Variants in FAN1 observed in about 807,000 individuals in gnomAD.
FAN1 encodes fanconi-associated nuclease 1.
A neutral mutation model predicts 104.9 loss-of-function variants in FAN1; 91 were observed. That is an observed-to-expected ratio of 0.87 (90% CI 0.73 to 1.03). The LOEUF is 1.03. FAN1 is among the 50% of genes least tolerant of loss of function. The pLI is 0.00. For missense variants in FAN1, 1,263 were observed against 1,239.9 expected (o/e 1.02, Z -0.28); for synonymous variants, 478 against 457.6 (o/e 1.04, Z -0.57).
At chr15:30,918,668 A>T (rs2062245933) in intron 6 of FAN1, among the ~76,000 whole-genome samples, 3 of 152,212 alleles carry the variant, frequency 2.0e-5, no homozygotes. Context: ...CCTCTGAGGG[A>T]AATTCAAGTA....
intron 6 of FAN1, among the ~76,000 whole-genome samples, chr15:30,919,769 G>A (rs2062280368): frequency 6.6e-6 from 1 of 151,904 alleles, no homozygotes; most frequent in Non-Finnish European, 1.5e-5. Context: ...GGATCATCAT[G>A]AAGGTCTTCA....
intron 8 of FAN1, among the ~76,000 whole-genome samples, chr15:30,923,013 G>GC (rs1356894151): frequency 3.3e-5 from 5 of 152,228 alleles, no homozygotes; most frequent in Non-Finnish European, 5.9e-5. Flanking sequence ...CCGCCAGCAG[G>GC]CCCCTCCCTG....
chr15:30,932,623 C>G (rs1478136643), intron 13 of FAN1, among the ~76,000 whole-genome samples: 1 of 151,776 alleles, frequency 6.6e-6, no homozygotes, highest in Non-Finnish European at 1.5e-5. Flanking sequence ...TTATCTGTTT[C>G]TTCTTGATTG....
At chr15:30,914,117 T>G in intron 5 of FAN1, 26 bp downstream of exon 5, 1 of 1,435,204 alleles carries the variant, frequency 7.0e-7, no homozygotes, top group Non-Finnish European at 9.7e-7. Context: ...CTCACTATAA[T>G]GTCTATATGT....
chr15:30,914,597 C>T (rs1035990096), intron 5 of FAN1, among the ~76,000 whole-genome samples: 14 of 152,182 alleles, frequency 9.2e-5, no homozygotes, highest in African/African-American at 3.4e-4. Context: ...AACTCCCGGA[C>T]TCAAGCAATC....
In FAN1 at chr15:30,937,101, TA is replaced by T; in HGVS notation, c.2917-13del. The T allele has an allele frequency of 6.2e-7, 1 of 1,603,792 alleles. No homozygotes were observed. Among genetic ancestry groups the T allele is most frequent in the South Asian group, 1.1e-5 (1 of 88,868 alleles). ...TCAGTAAGATACTAATAACAACTTT[TA>T]AAAATTTCTTTTCCAGCTGGTGGAA... On this transcript the variant is annotated splice_polypyrimidine_tract_variant and intron_variant, in intron 13 of 14. Coordinates refer to ENST00000362065, the MANE Select transcript of FAN1 (RefSeq NM_014967.5).
At chr15:30,937,042 G>A in intron 13 of FAN1, 77 bp from the exon 14 acceptor site, 1 of 1,197,260 alleles carries the variant, frequency 8.4e-7, no homozygotes, top group Non-Finnish European at 1.2e-6. Context: ...ATAGTTGTCA[G>A]TGACAACTAC....
chr15:30,942,150 T>C lies in FAN1; in HGVS notation c.*588T>C, dbSNP rs534738464. 1.1e-5 allele frequency: 16 copies of C among 1,446,178 alleles called. No individual in the cohort carries two copies. The South Asian group carries it at 2.2e-4, about 20-fold the overall frequency. The allele number at this position is 1,446,178 out of a possible 1,614,324, so 89.6% of individuals were successfully genotyped here. On this transcript the variant is annotated 3_prime_UTR_variant, in exon 15 of 15. Transcript: ENST00000362065. ...GAAGGATGCAATGGCAAATATAAAC[T>C]CAATACTATGAAAAATTAATGGAAT... is the stretch of plus-strand genomic sequence containing the variant.
intron 13 of FAN1, among the ~76,000 whole-genome samples, chr15:30,933,216 G>A (rs1187149535): frequency 1.3e-5 from 2 of 152,130 alleles, no homozygotes; most frequent in East Asian, 3.8e-4. Flanking sequence ...CAAGGTGGAA[G>A]CTATGGTGAT....
At chr15:30,939,080 C>G (rs192081807) in intron 14 of FAN1, 3 of 985,276 alleles carry the variant, frequency 3.0e-6, no homozygotes, top group Admixed American at 6.1e-5. Context: ...TTAGTTTTCT[C>G]GGGAAATCAA....
rs1005431609 is a variant in FAN1 at position 30,942,234 on chromosome 15, C to G, written c.*672C>G. On this transcript the variant is annotated 3_prime_UTR_variant, in exon 15 of 15. Coordinates refer to ENST00000362065, the MANE Select transcript of FAN1 (RefSeq NM_014967.5). ...TGTGTCCTTATTCTAATCCTCCTCC[C>G]CTGGAATTACACTTTTTTATGTGTT... The G allele has an allele frequency of 2.3e-6, 2 of 886,902 alleles. No homozygotes were observed. The highest frequency in any genetic ancestry group is 3.4e-5 in the African/African-American group (2 of 59,598). 54.9% of individuals were successfully genotyped at this position (886,902 alleles called of 1,614,324 possible).
intron 2 of FAN1, 79 bp downstream of exon 2, chr15:30,905,976 A>AGATTACTGCCC: frequency 7.4e-7 from 1 of 1,353,348 alleles, no homozygotes; most frequent in Non-Finnish European, 1.0e-6. Context: ...GATGGGCAGT[A>AGATTACTGCCC]ATCTAGTGAC....
chr15:30,918,718 T>C (rs1021365093), intron 6 of FAN1, among the ~76,000 whole-genome samples: 4 of 152,208 alleles, frequency 2.6e-5, no homozygotes, highest in Admixed American at 2.0e-4. Context: ...AAGCGAACTT[T>C]CCAGGTACAC....
At chr15:30,916,009 T>C (rs2062191429) in intron 5 of FAN1, among the ~76,000 whole-genome samples, 1 of 152,220 alleles carries the variant, frequency 6.6e-6, no homozygotes, top group Non-Finnish European at 1.5e-5. Context: ...GTTATTGAAA[T>C]TTTTGAATCA....
chr15:30,929,985 TAA>T (rs1424672883), intron 12 of FAN1, among the ~76,000 whole-genome samples: 17 of 125,074 alleles, frequency 1.4e-4, no homozygotes, highest in Admixed American at 4.7e-4. Flanking sequence ...ATATAATATA[TAA>T]GATATCATAT....
At position 30,929,373 on chromosome 15, in the gene FAN1, C is replaced by T. The variant is rs756058541; in HGVS notation, c.2763C>T (p.Arg921=). Residue 921 remains arginine (R), a synonymous_variant, in exon 12 of 15, where the codon CGC becomes CGT. Transcript: ENST00000362065. ...GRVASLVSWD[R]FTSLQQAQDL... Reference sequence around the variant, plus strand: ...TGGCTTCCCTTGTCAGCTGGGATCGCTTCACGTCTCTTCAGCAAGCTCAGG... The same window carrying T: ...TGGCTTCCCTTGTCAGCTGGGATCGTTTCACGTCTCTTCAGCAAGCTCAGG... 21 of 1,606,824 alleles carry T rather than the reference C, an allele frequency of 1.3e-5. No homozygotes were observed. Among genetic ancestry groups the T allele is most frequent in the Non-Finnish European group, 1.8e-5 (21 of 1,176,700 alleles).
intron 10 of FAN1, chr15:30,927,489 T>C: frequency 1.0e-6 from 1 of 985,642 alleles, no homozygotes; most frequent in Non-Finnish European, 1.2e-6. Flanking sequence ...CAGCACAGCC[T>C]CAGAAGTGCA....
intron 14 of FAN1, chr15:30,941,338 A>G (rs1422685628): frequency 6.5e-7 from 1 of 1,534,286 alleles, no homozygotes; most frequent in East Asian, 2.4e-5. Context: ...CATGTTTTTA[A>G]ATATTAGTGC....
intron 14 of FAN1, 99 bp downstream of exon 14, chr15:30,937,358 T>G (rs1832208329): frequency 2.6e-6 from 3 of 1,142,864 alleles, no homozygotes; most frequent in Admixed American, 5.0e-5. Flanking sequence ...ATAAACCTGA[T>G]AGTTTGACTT....
Sources: allele counts gnomAD v4.1 joint callset (sites outside exome capture counted in the v4.1 genomes callset), GRCh38; gene constraint gnomAD v4.1.1; transcripts MANE v1.5; gene names NCBI Gene and HGNC (gene_info 2026-07-23, HGNC 2026-07-21).